The following RBMS3 variants were observed in gnomAD, a reference collection of about 807,000 sequenced individuals.
The protein encoded by RBMS3 is RNA-binding motif, single-stranded-interacting protein 3.
Under a neutral mutation model 66.8 loss-of-function variants are expected in RBMS3, and 27 were observed. The ratio of observed to expected loss-of-function variants is 0.40; its 90% confidence interval spans 0.30 to 0.56. The LOEUF (loss-of-function observed/expected upper bound fraction) is 0.56, where lower values mean the gene tolerates loss of function less well. RBMS3 is among the 20% of genes least tolerant of loss of function. RBMS3 has a pLI of 0.40. For synonymous variants in RBMS3, 188 were observed against 183.0 expected (o/e 1.03, Z -0.22); for missense variants, 513 against 549.5 (o/e 0.93, Z 0.66).
chr3:29,848,160 G>A (rs1261679100), intron 6 of RBMS3, among the ~76,000 whole-genome samples: 4 of 152,142 alleles, frequency 2.6e-5, no homozygotes, highest in Non-Finnish European at 5.9e-5. Context: ...GGGTAGCAGT[G>A]CTCACAGAAG....
At chr3:29,833,176 T>G (rs2058418579) in intron 6 of RBMS3, among the ~76,000 whole-genome samples, 1 of 152,116 alleles carries the variant, frequency 6.6e-6, no homozygotes, top group Admixed American at 6.6e-5. Context: ...TCTGGCTGGG[T>G]TGATTGGTGA....
chr3:29,466,657 A>G (rs187220322), intron 2 of RBMS3, among the ~76,000 whole-genome samples: 53 of 152,288 alleles, frequency 3.5e-4, no homozygotes, highest in Admixed American at 6.5e-4. Context: ...AATTCTAGCC[A>G]TAATTTAACT....
chr3:29,920,292 A>G (rs2060737779), intron 10 of RBMS3, among the ~76,000 whole-genome samples: 1 of 152,180 alleles, frequency 6.6e-6, no homozygotes, highest in Non-Finnish European at 1.5e-5. Context: ...ATAAACTGAA[A>G]AACTGGGAAG....
intron 6 of RBMS3, among the ~76,000 whole-genome samples, chr3:29,798,529 T>A (rs564415041): frequency 4.3e-4 from 65 of 152,252 alleles, no homozygotes; most frequent in Admixed American, 2.2e-3. Context: ...TCTCTTCTTT[T>A]AATTTATTGG....
At chr3:29,889,736 T>C in intron 8 of RBMS3, among the ~76,000 whole-genome samples, 1 of 151,628 alleles carries the variant, frequency 6.6e-6, no homozygotes, top group East Asian at 1.9e-4. Context: ...TATAACTCAA[T>C]GAAGACAGGC....
rs185333779 is a variant in RBMS3 at position 29,633,246 on chromosome 3, T to C, written c.399+46041T>C. On this transcript the variant is annotated intron_variant, in intron 4 of 14. Transcript: ENST00000383767. The stretch of plus-strand genomic sequence containing the variant: ...AGTTGAAAAAAAGCAGGAAAATTAA[T>C]AGATAGGCATAGAGCCTTATATCTT... Among the ~76,000 whole-genome samples the C allele has an allele frequency of 2.0e-4, 30 of 151,988 alleles. No individual in the cohort carries two copies. The East Asian group carries it at 3.1e-3, about 16-fold the overall frequency.
At chr3:29,872,784 A>G (rs925425807) in intron 7 of RBMS3, among the ~76,000 whole-genome samples, 2 of 152,118 alleles carry the variant, frequency 1.3e-5, no homozygotes, top group Admixed American at 1.3e-4. Context: ...GATGTAAGGG[A>G]GGGGTCCAGC....
intron 6 of RBMS3, among the ~76,000 whole-genome samples, chr3:29,823,598 C>G (rs968565916): frequency 6.6e-6 from 1 of 152,158 alleles, no homozygotes; most frequent in African/African-American, 2.4e-5. Flanking sequence ...AATATGGTGG[C>G]TTTTAGCTGC....
chr3:29,731,142 T>C (rs933301581), intron 4 of RBMS3: 7 of 534,808 alleles, frequency 1.3e-5, no homozygotes, highest in Non-Finnish European at 1.7e-5. Context: ...AAATGATCAG[T>C]GGTTCAACAC....
chr3:29,802,955 G>A (rs1248831050), intron 6 of RBMS3, among the ~76,000 whole-genome samples: 22 of 152,176 alleles, frequency 1.4e-4, no homozygotes, highest in Admixed American at 1.4e-3. Context: ...ATCGAGGTGA[G>A]GGAGTTGGAA....
chr3:29,942,279 G>A (rs2061410164), intron 11 of RBMS3, among the ~76,000 whole-genome samples: 1 of 151,760 alleles, frequency 6.6e-6, no homozygotes, highest in Non-Finnish European at 1.5e-5. Context: ...AGCACTTTGG[G>A]AAGCTGAGGC....
chr3:29,884,422 T>TTCTC (rs571002730), intron 8 of RBMS3, among the ~76,000 whole-genome samples: 2,656 of 41,720 alleles, frequency 0.064, 338 homozygotes, highest in Non-Finnish European at 0.079. Context: ...TTAAACCCTG[T>TTCTC]TCTCTCTCTC....
intron 7 of RBMS3, among the ~76,000 whole-genome samples, chr3:29,876,966 G>C (rs2059623410): frequency 6.6e-6 from 1 of 152,150 alleles, no homozygotes; most frequent in Non-Finnish European, 1.5e-5. Context: ...CCTCTCACAA[G>C]AGCAATCCTC....
intron 1 of RBMS3, among the ~76,000 whole-genome samples, chr3:29,302,517 GA>G (rs202131695): frequency 7.9e-5 from 12 of 151,542 alleles, no homozygotes; most frequent in East Asian, 1.9e-4. Context: ...CACAATCTTG[GA>G]AAAAAAATAT....
At chr3:29,834,988 T>C (rs1341848059) in intron 6 of RBMS3, among the ~76,000 whole-genome samples, 1 of 152,040 alleles carries the variant, frequency 6.6e-6, no homozygotes. Flanking sequence ...AGTAGTTATA[T>C]TTCTATCAGA....
chr3:29,359,791 A>C (rs1187323776), intron 1 of RBMS3, among the ~76,000 whole-genome samples: 5 of 152,310 alleles, frequency 3.3e-5, no homozygotes, highest in Admixed American at 2.0e-4. Flanking sequence ...GTATGTGTCC[A>C]GGAATTTATC....
At chr3:29,998,529 C>T (rs1324129828) in intron 14 of RBMS3, among the ~76,000 whole-genome samples, 6 of 152,206 alleles carry the variant, frequency 3.9e-5, no homozygotes, top group African/African-American at 9.7e-5. Flanking sequence ...TACAAGGTTA[C>T]AGTAACCAAA....
intron 6 of RBMS3, among the ~76,000 whole-genome samples, chr3:29,825,271 A>G (rs1056082543): frequency 5.9e-5 from 9 of 152,114 alleles, no homozygotes; most frequent in Non-Finnish European, 7.4e-5. Flanking sequence ...TCCTGACCTC[A>G]GGTTATCCAC....
chr3:29,752,186 C>A (rs1299226362), intron 5 of RBMS3, among the ~76,000 whole-genome samples: 1 of 152,100 alleles, frequency 6.6e-6, no homozygotes, highest in South Asian at 2.1e-4. Flanking sequence ...AGATAATCTT[C>A]CCCTGGAGTT....
Sources: gnomAD v4.1 joint callset for allele counts (sites outside exome capture counted in the v4.1 genomes callset) on GRCh38, gnomAD v4.1.1 for gene constraint, MANE v1.5 for transcripts, NCBI Gene and HGNC (gene_info 2026-07-23, HGNC 2026-07-21) for gene names.